Variants in NELL2 observed in about 807,000 individuals in gnomAD.
The protein encoded by NELL2 is protein kinase C-binding protein NELL2.
NELL2 carries 41 observed loss-of-function variants against 109.6 expected under a neutral mutation model. That is an observed-to-expected ratio of 0.37 (90% confidence interval 0.29 to 0.49). The LOEUF is 0.49. NELL2 is among the 20% of genes least tolerant of loss of function. The pLI is 0.98. For synonymous variants in NELL2, 355 were observed against 344.7 expected (o/e 1.03, Z -0.33); for missense variants, 900 against 1,008.3 (o/e 0.89, Z 1.45).
upstream of NELL2, among the ~76,000 whole-genome samples, chr12:44,919,064 T>C (rs1027562607): frequency 1.3e-5 from 2 of 152,198 alleles, no homozygotes; most frequent in African/African-American, 4.8e-5. Context: ...CCTTCAACCA[T>C]CCTACTGCCA....
intron 13 of NELL2, among the ~76,000 whole-genome samples, chr12:44,624,996 G>GTATATATATATATA: frequency 1.4e-5 from 1 of 71,126 alleles, no homozygotes; most frequent in Admixed American, 1.3e-4. Context: ...ATATGTGTGT[G>GTATATATATATATA]TATATATATA....
chr12:44,553,262 A>G (rs1943111534), intron 15 of NELL2, among the ~76,000 whole-genome samples: 1 of 85,094 alleles, frequency 1.2e-5, no homozygotes, highest in Non-Finnish European at 2.6e-5. Context: ...TAAAACTTAA[A>G]GTATAATAAT....
chr12:44,714,590 A>C, intron 10 of NELL2, 60 bp downstream of exon 10: 1 of 1,036,678 alleles, frequency 9.6e-7, no homozygotes, highest in Non-Finnish European at 1.4e-6. Flanking sequence ...CTAGTAAAGA[A>C]ACTTTTATCT....
chr12:44,662,342 T>C (rs1270808631), intron 13 of NELL2, among the ~76,000 whole-genome samples: 1 of 152,206 alleles, frequency 6.6e-6, no homozygotes, highest in Non-Finnish European at 1.5e-5. Context: ...TGTTTCTACA[T>C]AAAATATGAA....
In NELL2 at chr12:44,876,161, C is replaced by G. The variant is rs1945315401; in HGVS notation, c.-292G>C. The G allele has an allele frequency of 8.0e-7, 1 of 1,256,678 alleles. No homozygotes were observed. Among genetic ancestry groups the G allele is most frequent in the African/African-American group, 1.5e-5 (1 of 65,864 alleles). 77.8% of individuals were successfully genotyped at this position (1,256,678 alleles called of 1,614,324 possible). ...AGGGGTCGGACTCGCCCCGGCGCGGCTCCGTCGGGGAATTAGCTCCCGAGC... is the reference window on the plus strand; with the variant it reads ...AGGGGTCGGACTCGCCCCGGCGCGGGTCCGTCGGGGAATTAGCTCCCGAGC... On this transcript the variant is annotated 5_prime_UTR_variant, in exon 1 of 20. Transcript: ENST00000429094.
chr12:44,535,746 A>G (rs937254009), intron 15 of NELL2, among the ~76,000 whole-genome samples: 3 of 151,852 alleles, frequency 2.0e-5, no homozygotes, highest in African/African-American at 4.8e-5. Flanking sequence ...AATGAGAAAA[A>G]TTACAGAAAC....
upstream of NELL2, chr12:44,877,146 T>TAGAG (rs10624802): frequency 0.027 from 4,026 of 149,604 alleles, 66 homozygotes; most frequent in Non-Finnish European, 0.035. Flanking sequence ...AGGAGATGGT[T>TAGAG]AGAGAGAGAG....
At chr12:44,788,966 G>A (rs779067727) in intron 3 of NELL2, among the ~76,000 whole-genome samples, 7 of 151,936 alleles carry the variant, frequency 4.6e-5, no homozygotes, top group East Asian at 1.9e-4. Context: ...CTCCATTGAC[G>A]TGGGAACCTC....
chr12:44,740,076 T>C (rs1339002731), intron 9 of NELL2, among the ~76,000 whole-genome samples: 3 of 152,120 alleles, frequency 2.0e-5, no homozygotes, highest in Non-Finnish European at 2.9e-5. Flanking sequence ...CAAACGTACA[T>C]ACCACTATTC....
intron 1 of NELL2, among the ~76,000 whole-genome samples, chr12:44,920,589 T>C (rs1264751594): frequency 1.3e-5 from 2 of 152,200 alleles, no homozygotes; most frequent in African/African-American, 4.8e-5. Context: ...TTATTTATTT[T>C]TAGCTTTATT....
intron 12 of NELL2, among the ~76,000 whole-genome samples, chr12:44,701,808 T>C (rs1555201538): frequency 6.6e-6 from 1 of 152,058 alleles, no homozygotes; most frequent in Non-Finnish European, 1.5e-5. Context: ...CCCAACACAA[T>C]AGTTCATCTA....
intron 19 of NELL2, among the ~76,000 whole-genome samples, chr12:44,517,357 A>C: frequency 1.4e-5 from 2 of 146,438 alleles, no homozygotes; most frequent in African/African-American, 2.5e-5. Context: ...TCTGGTACCT[A>C]CCCACCAACT....
intron 13 of NELL2, among the ~76,000 whole-genome samples, chr12:44,620,121 GTT>G (rs147103574): frequency 0.079 from 10,596 of 134,320 alleles, 1,163 homozygotes; most frequent in African/African-American, 0.26. Context: ...CCTGGGTTTT[GTT>G]TTTTTTTTTT....
chr12:44,741,761 C>T (rs560950421), intron 9 of NELL2, among the ~76,000 whole-genome samples: 19 of 152,246 alleles, frequency 1.2e-4, no homozygotes, highest in African/African-American at 3.1e-4. Flanking sequence ...GGGGGAGGGG[C>T]GCCCACCATT....
At chr12:44,533,271 T>C (rs912498450) in intron 15 of NELL2, among the ~76,000 whole-genome samples, 4 of 152,170 alleles carry the variant, frequency 2.6e-5, no homozygotes, top group Admixed American at 6.6e-5. Flanking sequence ...GATGGACTTA[T>C]GGCATGAGAA....
At chr12:44,750,418 A>T (rs1294318668) in intron 9 of NELL2, among the ~76,000 whole-genome samples, 1 of 152,192 alleles carries the variant, frequency 6.6e-6, no homozygotes, top group Non-Finnish European at 1.5e-5. Flanking sequence ...GACAGGAAAC[A>T]AGAAGTTTTA....
chr12:44,625,034 T>TATA lies in NELL2; in HGVS notation c.1445-14065_1445-14064insTAT, dbSNP rs1555187351. Among the ~76,000 whole-genome samples the TATA allele has an allele frequency of 1.8e-4, 21 of 116,118 alleles. No homozygotes were observed. The South Asian group carries it at 1.9e-3, about 10-fold the overall frequency. 76.2% of individuals were successfully genotyped at this position (116,118 alleles called of 152,430 possible). ...TATATATATATATATATATATATAT[T>TATA]TCTGAACAAGTGAATGTTGGGGAAA... On this transcript the variant is annotated intron_variant, in intron 13 of 19. Transcript: ENST00000429094.
intron 15 of NELL2, among the ~76,000 whole-genome samples, chr12:44,550,658 T>C (rs752527972): frequency 3.7e-4 from 57 of 152,284 alleles, no homozygotes; most frequent in Middle Eastern, 3.4e-3. Flanking sequence ...TTGTGGTATA[T>C]ACATACAATG....
At chr12:44,702,399 C>T (rs913562296) in intron 12 of NELL2, among the ~76,000 whole-genome samples, 3 of 151,640 alleles carry the variant, frequency 2.0e-5, no homozygotes, top group African/African-American at 4.9e-5. Flanking sequence ...ATTACATGAT[C>T]GAATATACTT....
Sources: allele counts gnomAD v4.1 joint callset (sites outside exome capture counted in the v4.1 genomes callset), GRCh38; gene constraint gnomAD v4.1.1; transcripts MANE v1.5; gene names NCBI Gene and HGNC (gene_info 2026-07-23, HGNC 2026-07-21).